DIS3L2: variants seen among roughly 807,000 people sequenced by gnomAD.
DIS3L2 encodes the protein DIS3-like exonuclease 2.
In DIS3L2, 34 loss-of-function variants were observed where a neutral mutation model predicts 97.5. The observed-to-expected ratio is 0.35, with a 90% confidence interval of 0.27 to 0.46. The LOEUF is 0.46. DIS3L2 is among the 20% of genes least tolerant of loss of function. The pLI, the probability that DIS3L2 is intolerant of heterozygous loss-of-function variation, is 1.00. For missense variants in DIS3L2, 1,038 were observed against 1,146.0 expected, an observed-to-expected ratio of 0.91 and a Z score of 1.36; for synonymous variants, 435 against 445.2, an observed-to-expected ratio of 0.98 and a Z score of 0.29.
rs1692558268 is a variant in DIS3L2 at position 232,223,464 on chromosome 2, C to T, written c.1204+13059C>T. 2.0e-5 allele frequency among the ~76,000 whole-genome samples: 3 copies of T among 152,196 alleles called. No homozygotes were observed. In the South Asian group the frequency reaches 6.2e-4, roughly 32 times the overall value. ...TCCAAATTATTGAGTATATGAAAAA[C>T]TAAAAGAGCTAAGCTTCATTTATGC... On this transcript the variant is annotated intron_variant, in intron 10 of 20. Transcript: ENST00000325385.
Position 231,984,926 on chromosome 2 carries a change from A to C in DIS3L2, c.-94+23161A>C, listed in dbSNP as rs144680610. ...ATGAGCCACTGTGCCCGGCAAATTA[A>C]ACTTTTTATTTTGAGCTACTTGTAG... is the stretch of plus-strand genomic sequence containing the variant. On this transcript the variant is annotated intron_variant, in intron 1 of 20. Transcript: ENST00000325385. Among the ~76,000 whole-genome samples the C allele has an allele frequency of 9.2e-5, 14 of 152,292 alleles. 1 individual carries two copies. Among genetic ancestry groups the C allele is most frequent in the African/African-American group, 3.4e-4 (14 of 41,570 alleles).
chr2:232,312,473 T>C (rs1695162767), intron 14 of DIS3L2, among the ~76,000 whole-genome samples: 1 of 152,242 alleles, frequency 6.6e-6, no homozygotes, highest in African/African-American at 2.4e-5. Context: ...TCTATTCTTG[T>C]ACCAGTACCA....
intron 12 of DIS3L2, among the ~76,000 whole-genome samples, chr2:232,258,024 G>A (rs1356719011): frequency 6.6e-6 from 1 of 152,196 alleles, no homozygotes; most frequent in African/African-American, 2.4e-5. Context: ...CCTCCCAGAT[G>A]TGTTAAGGAG....
Position 232,215,045 on chromosome 2 carries a change from G to C in DIS3L2, c.1204+4640G>C, listed in dbSNP as rs144961596. 2.7e-3 allele frequency among the ~76,000 whole-genome samples: 415 copies of C among 152,278 alleles called. 2 individuals are homozygous for C. The highest frequency in any genetic ancestry group is 9.2e-3 in the African/African-American group (382 of 41,552). On this transcript the variant is annotated intron_variant, in intron 10 of 20. Coordinates refer to ENST00000325385, the MANE Select transcript of DIS3L2 (RefSeq NM_152383.5). ...ATGTTCTGGAATTAGATAATTGATA[G>C]TTGCACAACTTTGTGGACATACCAA...
At chr2:232,329,785 T>TCCCCGGGGCGC in intron 14 of DIS3L2, 28 bp from the exon 15 acceptor site, 1 of 967,144 alleles carries the variant, frequency 1.0e-6, no homozygotes, top group Non-Finnish European at 1.5e-6. Flanking sequence ...ACCCCAGCGG[T>TCCCCGGGGCGC]CCCTCCCATC....
At chr2:232,299,337 C>A (rs1694800953) in intron 13 of DIS3L2, among the ~76,000 whole-genome samples, 1 of 152,206 alleles carries the variant, frequency 6.6e-6, no homozygotes, top group African/African-American at 2.4e-5. Context: ...CTGATTACCT[C>A]ATCTACTCCT....
intron 1 of DIS3L2, among the ~76,000 whole-genome samples, chr2:231,990,999 G>A (rs564487607): frequency 2.6e-5 from 4 of 151,490 alleles, no homozygotes; most frequent in Middle Eastern, 3.4e-3. Context: ...TCTGCCTCCC[G>A]GGCTCAAGTG....
At position 232,115,474 on chromosome 2, in the gene DIS3L2, G is replaced by A. The variant is rs776395260; in HGVS notation, c.602-15145G>A. On this transcript the variant is annotated intron_variant, in intron 6 of 20. Transcript: ENST00000325385. ...TCAGGAACCTGAGAATCAGCTCCAC[G>A]TGGGATGTTTTATGTCTTCATTCTC... 2.6e-5 allele frequency among the ~76,000 whole-genome samples: 4 copies of A among 152,174 alleles called. 1 individual carries two copies. In the South Asian group the frequency reaches 6.2e-4, roughly 24 times the overall value.
At chr2:232,086,620 TATATATATACAC>T (rs1360624696) in intron 5 of DIS3L2, among the ~76,000 whole-genome samples, 3 of 120,620 alleles carry the variant, frequency 2.5e-5, no homozygotes, top group African/African-American at 6.5e-5. Flanking sequence ...TGTGTATATA[TATATATATACAC>T]ATATATATAT....
chr2:232,095,790 T>TG (rs1491262114), intron 6 of DIS3L2, among the ~76,000 whole-genome samples: 2 of 152,098 alleles, frequency 1.3e-5, no homozygotes, highest in Non-Finnish European at 2.9e-5. Context: ...TCTGGGAAAG[T>TG]CTTTATTTCT....
chr2:232,000,663 T>TTTCCTTTCCTTTCC (rs1559529200), intron 1 of DIS3L2, among the ~76,000 whole-genome samples: 40 of 23,172 alleles, frequency 1.7e-3, no homozygotes, highest in African/African-American at 9.7e-3. Flanking sequence ...CTTTCCTTTC[T>TTTCCTTTCCTTTCC]CTTTCTCTCT....
rs1574890188 is a variant in DIS3L2 at position 232,120,060 on chromosome 2, T to G, written c.602-10559T>G. On this transcript the variant is annotated intron_variant, in intron 6 of 20. Transcript: ENST00000325385. ...TATCTACTCTCAGATGATGTTATCATAGAATTCATATACCCAGCCTCTACC... is the reference window on the plus strand; with the variant it reads ...TATCTACTCTCAGATGATGTTATCAGAGAATTCATATACCCAGCCTCTACC... Among the ~76,000 whole-genome samples the G allele has an allele frequency of 2.0e-5, 3 of 152,290 alleles. No individual in the cohort carries two copies. In the South Asian group the frequency reaches 6.2e-4, roughly 32 times the overall value.
intron 13 of DIS3L2, among the ~76,000 whole-genome samples, chr2:232,265,087 ACT>A (rs1693819281): frequency 2.0e-5 from 3 of 152,024 alleles, no homozygotes; most frequent in Admixed American, 1.3e-4. Context: ...GTGTGAACAC[ACT>A]CTGTTTCTCA....
chr2:232,091,908 G>A (rs954273613), intron 6 of DIS3L2, among the ~76,000 whole-genome samples: 9 of 152,098 alleles, frequency 5.9e-5, no homozygotes, highest in African/African-American at 2.2e-4. Context: ...CAATGATGTT[G>A]AGCACTTTTC....
chr2:232,019,522 A>G (rs1694453946), intron 3 of DIS3L2, among the ~76,000 whole-genome samples: 1 of 151,330 alleles, frequency 6.6e-6, no homozygotes, highest in South Asian at 2.1e-4. Flanking sequence ...ATTGTGCTCC[A>G]GCCTGGGCAA....
intron 5 of DIS3L2, among the ~76,000 whole-genome samples, chr2:232,080,947 A>C (rs952200923): frequency 2.0e-5 from 3 of 151,956 alleles, no homozygotes; most frequent in Non-Finnish European, 4.4e-5. Context: ...AATCAGGATT[A>C]AAATAAAACC....
rs528877666 is a variant in DIS3L2, at chr2:232,021,865, T to TC, written c.211-2411dup. Reference sequence around the variant, plus strand: ...TAAAATAGACTCCCTCTGAGAGCACTCGAGAGAAGCAATCACTTCAGGGAA... The same window carrying TC: ...TAAAATAGACTCCCTCTGAGAGCACTCCGAGAGAAGCAATCACTTCAGGGAA... On this transcript the variant is annotated intron_variant, in intron 3 of 20. Coordinates refer to ENST00000325385, the MANE Select transcript of DIS3L2 (RefSeq NM_152383.5). Among the ~76,000 whole-genome samples, 5 of 152,186 alleles carry TC rather than the reference T, an allele frequency of 3.3e-5. 1 individual carries two copies. In the South Asian group the frequency reaches 8.3e-4, roughly 25 times the overall value.
exon 14 of DIS3L2, chr2:232,343,527 C>A: frequency 6.4e-7 from 1 of 1,560,752 alleles, no homozygotes; most frequent in Non-Finnish European, 8.7e-7. Context: ...AAGCAAAGCC[C>A]CAAAACACGA....
intron 6 of DIS3L2, among the ~76,000 whole-genome samples, chr2:232,105,364 G>T (rs773926305): frequency 6.6e-6 from 1 of 152,048 alleles, no homozygotes; most frequent in Non-Finnish European, 1.5e-5. Flanking sequence ...TTAAATACTT[G>T]GTTATTAGGG....
Sources: allele counts gnomAD v4.1 joint callset (sites outside exome capture counted in the v4.1 genomes callset), GRCh38; gene constraint gnomAD v4.1.1; transcripts MANE v1.5; gene names NCBI Gene and HGNC (gene_info 2026-07-23, HGNC 2026-07-21).